Variants in MMP20 observed in about 807,000 individuals in gnomAD.
MMP20 encodes matrix metalloproteinase-20.
Under a neutral mutation model 51.8 loss-of-function variants are expected in MMP20, and 50 were observed. That is an observed-to-expected ratio of 0.97 (90% CI 0.77 to 1.22). The LOEUF (loss-of-function observed/expected upper bound fraction) is 1.22, where lower values mean the gene tolerates loss of function less well. MMP20 is among the 50% of genes most tolerant of loss of function. The pLI, the probability that MMP20 is intolerant of heterozygous loss-of-function variation, is 0.00. For missense variants in MMP20, 663 were observed against 601.4 expected, an observed-to-expected ratio of 1.10 and a Z score of -1.07; for synonymous variants, 244 against 216.2, an observed-to-expected ratio of 1.13 and a Z score of -1.13.
At chr11:102,579,942 G>A (rs969845560) in intron 8 of MMP20, among the ~76,000 whole-genome samples, 2 of 152,144 alleles carry the variant, frequency 1.3e-5, no homozygotes, top group African/African-American at 4.8e-5. Context: ...CATGAACTTA[G>A]TGCTATGTAT....
chr11:102,596,870 C>G (rs189028141), intron 6 of MMP20, among the ~76,000 whole-genome samples: 16 of 152,336 alleles, frequency 1.1e-4, no homozygotes, highest in Admixed American at 2.0e-4. Context: ...TCCCTTTTCC[C>G]TTTTCTCTCC....
chr11:102,586,809 T>A (rs866090519), intron 8 of MMP20, among the ~76,000 whole-genome samples: 11 of 151,150 alleles, frequency 7.3e-5, no homozygotes, highest in Admixed American at 6.6e-5. Flanking sequence ...AGAGCAAGAC[T>A]CCGCCTCAAA....
At chr11:102,580,142 T>G (rs1286441168) in intron 8 of MMP20, among the ~76,000 whole-genome samples, 2 of 152,266 alleles carry the variant, frequency 1.3e-5, no homozygotes, top group African/African-American at 4.8e-5. Context: ...CTGATTTCTT[T>G]TTCTGGATCA....
chr11:102,585,206 A>G (rs1859241245), intron 8 of MMP20, among the ~76,000 whole-genome samples: 1 of 152,276 alleles, frequency 6.6e-6, no homozygotes, highest in East Asian at 1.9e-4. Context: ...GGGGACTACT[A>G]TCATCTTAAA....
intron 8 of MMP20, among the ~76,000 whole-genome samples, chr11:102,590,150 CA>C (rs1859301189): frequency 6.6e-6 from 1 of 152,056 alleles, no homozygotes. Flanking sequence ...TTGATGTAGC[CA>C]CTGCTCTGCT....
intron 6 of MMP20, among the ~76,000 whole-genome samples, chr11:102,599,147 G>A (rs1859417300): frequency 6.6e-6 from 1 of 151,932 alleles, no homozygotes; most frequent in Admixed American, 6.6e-5. Context: ...CAAGTAGCAG[G>A]GACTACAAGC....
intron 1 of MMP20, among the ~76,000 whole-genome samples, chr11:102,618,444 T>G (rs915315290): frequency 6.6e-6 from 1 of 151,690 alleles, no homozygotes; most frequent in Non-Finnish European, 1.5e-5. Context: ...TATATAAAGA[T>G]AATAAGTAAT....
chr11:102,616,013 A>G (rs1349545254), intron 2 of MMP20, among the ~76,000 whole-genome samples: 1 of 152,064 alleles, frequency 6.6e-6, no homozygotes, highest in African/African-American at 2.4e-5. Context: ...TGGCTGTGGG[A>G]GAGGGAATTC....
At chr11:102,606,710 CG>C in intron 5 of MMP20, 34 bp from the exon 6 acceptor site, 1 of 1,613,192 alleles carries the variant, frequency 6.2e-7, no homozygotes, top group Non-Finnish European at 8.5e-7. Flanking sequence ...AAAATGGTAA[CG>C]GGAATTTGGA....
At chr11:102,578,750 CAAAAAACAAAAAA>C (rs1859156438) in intron 9 of MMP20, among the ~76,000 whole-genome samples, 1 of 81,914 alleles carries the variant, frequency 1.2e-5, no homozygotes, top group Admixed American at 1.3e-4. Flanking sequence ...AAACAAAAAA[CAAAAAACAAAAAA>C]CAAAAACAAA....
rs1437064390 is a variant in MMP20 at position 102,593,455 on chromosome 11, C to T, written c.1231G>A (p.Gly411Arg). ...REPQKTLFFV[G>R]DEYYSYDERK... ...AAGCCATACCTGTAGTATTCATCTC[C>T]CACAAAGAAAAGGGTCTTCTGTGGC... The change falls in exon 8 of 10, where the codon GGA (glycine) becomes AGA (arginine). Residue 411 changes from glycine (G) to arginine (R), a missense_variant. Physicochemically the swap from Gly to Arg is moderately radical, Grantham distance 125. Transcript: ENST00000260228. The T allele has an allele frequency of 1.9e-6, 3 of 1,614,030 alleles. No homozygotes were observed. In the South Asian group the frequency reaches 3.3e-5, roughly 18 times the overall value.
chr11:102,584,113 C>T lies in MMP20; in HGVS notation c.1248-4971G>A, dbSNP rs1483962428. ...TATTTGTATACAGCTATTATGTGGA[C>T]TTATGTTTTTACTTCTCTTGGGTAT... On this transcript the variant is annotated intron_variant, in intron 8 of 9. Transcript: ENST00000260228. Among the ~76,000 whole-genome samples, 4 of 151,960 alleles carry T rather than the reference C, an allele frequency of 2.6e-5. No homozygotes were observed. In the South Asian group the frequency reaches 8.3e-4, roughly 32 times the overall value.
chr11:102,584,950 C>T (rs576612488), intron 8 of MMP20, among the ~76,000 whole-genome samples: 17 of 152,178 alleles, frequency 1.1e-4, no homozygotes, highest in African/African-American at 4.1e-4. Context: ...GGCTTTATTT[C>T]CTTACTCTAA....
chr11:102,608,477 G>A (rs1859548421), intron 5 of MMP20, among the ~76,000 whole-genome samples: 1 of 152,338 alleles, frequency 6.6e-6, no homozygotes, highest in South Asian at 2.1e-4. Context: ...GGTTGGTTGT[G>A]AGGCTGGTGT....
Position 102,579,071 on chromosome 11 carries a change from T to C in MMP20, c.1319A>G (p.Asn440Ser). 1 of 1,613,688 alleles carries C rather than the reference T, an allele frequency of 6.2e-7. No individual in the cohort carries two copies. Among genetic ancestry groups the C allele is most frequent in the Non-Finnish European group, 8.5e-7 (1 of 1,179,612 alleles). Residue 440 changes from asparagine to serine, a missense_variant, in exon 9 of 10, where the codon AAT becomes AGT. Coordinates refer to ENST00000260228, the MANE Select transcript of MMP20 (RefSeq NM_004771.4). ...KNTEEEFSGVNGQIDAAVELN... is the reference protein window; with the variant it reads ...KNTEEEFSGVSGQIDAAVELN... ...TTCTACAGCAGCATCGATTTGGCCA[T>C]TTACTCCTGAAAATTCTTCTTCAGT...
At chr11:102,577,922 G>A (rs1859144833) in intron 9 of MMP20, among the ~76,000 whole-genome samples, 2 of 152,172 alleles carry the variant, frequency 1.3e-5, no homozygotes, top group Admixed American at 6.5e-5. Flanking sequence ...ATCTGTGTTG[G>A]GTGAACCATT....
chr11:102,615,460 C>T (rs17099032), intron 2 of MMP20, among the ~76,000 whole-genome samples: 1 of 152,100 alleles, frequency 6.6e-6, no homozygotes, highest in African/African-American at 2.4e-5. Flanking sequence ...AGCTATTAGG[C>T]GGCAGCTCTA....
rs4121469 is a variant in MMP20 at position 102,616,069 on chromosome 11, T to C, written c.374+743A>G. 9.1e-4 allele frequency among the ~76,000 whole-genome samples: 139 copies of C among 152,168 alleles called. 1 individual carries two copies. In the East Asian group the frequency reaches 0.022, roughly 24 times the overall value. On this transcript the variant is annotated intron_variant, in intron 2 of 9. Transcript: ENST00000260228. ...CAGCAGGGAGGGACAGAGGTTCTGG[T>C]TGGGTGTGTCCCCTTGGTTTATAAG...
chr11:102,609,634 GT>G (rs1859567532), intron 4 of MMP20, among the ~76,000 whole-genome samples: 1 of 152,162 alleles, frequency 6.6e-6, no homozygotes, highest in Non-Finnish European at 1.5e-5. Context: ...TAAATACTAG[GT>G]TGTTGAAGGA....
Sources: allele counts gnomAD v4.1 joint callset (sites outside exome capture counted in the v4.1 genomes callset), GRCh38; gene constraint gnomAD v4.1.1; transcripts MANE v1.5; gene names NCBI Gene and HGNC (gene_info 2026-07-23, HGNC 2026-07-21).